MAOB: variants seen among roughly 807,000 people sequenced by gnomAD.
The protein encoded by MAOB is monoamine oxidase B, also known as amine oxidase [flavin-containing] B.
MAOB carries 15 observed loss-of-function variants against 41.9 expected under a neutral mutation model. That is an observed-to-expected ratio of 0.36 (90% CI 0.24 to 0.55). The LOEUF (loss-of-function observed/expected upper bound fraction) is 0.55, where lower values mean the gene tolerates loss of function less well. Ranked by LOEUF, MAOB falls within the 20% of genes least tolerant of loss-of-function variation. The probability of loss-of-function intolerance (pLI) is 0.86; values close to 1 mark genes in which losing one functional copy is unlikely to be tolerated. For missense variants in MAOB, 345 were observed against 398.7 expected, an observed-to-expected ratio of 0.87 and a Z score of 1.15; for synonymous variants, 167 against 144.2, an observed-to-expected ratio of 1.16 and a Z score of -1.13.
At chrX:43,843,554 T>A (rs1479789907) in intron 2 of MAOB, 116 bp downstream of exon 2, 1 of 596,628 alleles carries the variant, frequency 1.7e-6, no homozygotes, top group Non-Finnish European at 2.5e-6. Flanking sequence ...GTTTCAGAGT[T>A]ATTTTCACCC....
chrX:43,801,402 G>A (rs1045483058), intron 5 of MAOB, among the ~76,000 whole-genome samples: 5 of 110,849 alleles, frequency 4.5e-5, no homozygotes, highest in Non-Finnish European at 7.6e-5. Flanking sequence ...ATTAACCCCC[G>A]AGCCAAACAT....
chrX:43,878,792 T>C (rs1309476095), intron 1 of MAOB, among the ~76,000 whole-genome samples: 2 of 110,300 alleles, frequency 1.8e-5, no homozygotes, highest in Non-Finnish European at 3.8e-5. Context: ...CCAAAGCCAG[T>C]ACCACTAGCC....
intron 3 of MAOB, among the ~76,000 whole-genome samples, chrX:43,830,308 A>G (rs942963325): frequency 1.8e-5 from 2 of 111,218 alleles, no homozygotes; most frequent in African/African-American, 3.3e-5. Flanking sequence ...TGACAGGAGG[A>G]GACATTCCTG....
intron 8 of MAOB, among the ~76,000 whole-genome samples, chrX:43,785,203 T>A (rs903965939): frequency 2.7e-5 from 3 of 113,176 alleles, no homozygotes; most frequent in African/African-American, 9.6e-5. Context: ...TTGTCAATGT[T>A]CTTACGTAGA....
chrX:43,790,091 G>T (rs968949282), intron 8 of MAOB, among the ~76,000 whole-genome samples: 6 of 111,765 alleles, frequency 5.4e-5, no homozygotes, highest in African/African-American at 2.0e-4. Context: ...CTGACTGTGT[G>T]CCTGATATGT....
intron 11 of MAOB, among the ~76,000 whole-genome samples, chrX:43,775,571 T>C (rs1464821789): frequency 8.9e-6 from 1 of 111,866 alleles, no homozygotes; most frequent in Non-Finnish European, 1.9e-5. Context: ...TATTAAAAAG[T>C]TTTAGTGCCT....
intron 3 of MAOB, among the ~76,000 whole-genome samples, chrX:43,809,556 T>C (rs1334639286): frequency 8.9e-6 from 1 of 112,338 alleles, no homozygotes; most frequent in Non-Finnish European, 1.9e-5. Context: ...AGAGCTATTG[T>C]TAGACTCATA....
At chrX:43,788,650 A>T (rs1162629408) in intron 8 of MAOB, among the ~76,000 whole-genome samples, 3 of 111,494 alleles carry the variant, frequency 2.7e-5, no homozygotes, top group African/African-American at 6.5e-5. Context: ...CTGTTTATTC[A>T]GTTGTCGAAA....
intron 1 of MAOB, among the ~76,000 whole-genome samples, chrX:43,844,823 G>C (rs766683873): frequency 2.9e-4 from 33 of 111,926 alleles, no homozygotes; most frequent in Non-Finnish European, 5.1e-4. Flanking sequence ...CTCGGACTGG[G>C]AGCTGCACCA....
Position 43,807,122 on chromosome X carries a change from T to C in MAOB, c.280-3718A>G, listed in dbSNP as rs2034674270. Among the ~76,000 whole-genome samples the C allele has an allele frequency of 2.7e-5, 3 of 112,017 alleles. No individual in the cohort carries two copies. The Admixed American group carries it at 2.8e-4, about 11-fold the overall frequency. ...AGCTTTATTGAGAAATAATTCATGT[T>C]CCATACAACTTGCATGCTGACCTGA... On this transcript the variant is annotated intron_variant, in intron 3 of 14. Coordinates refer to ENST00000378069, the MANE Select transcript of MAOB (RefSeq NM_000898.5).
intron 3 of MAOB, among the ~76,000 whole-genome samples, chrX:43,809,187 C>T (rs1054112442): frequency 4.5e-5 from 5 of 111,812 alleles, no homozygotes; most frequent in Admixed American, 2.8e-4. Flanking sequence ...AATGTCACCT[C>T]AGCTGAATTA....
intron 14 of MAOB, among the ~76,000 whole-genome samples, chrX:43,768,322 A>G (rs1164319347): frequency 9.0e-6 from 1 of 111,520 alleles, no homozygotes; most frequent in African/African-American, 3.3e-5. Context: ...TTCTTTTCCT[A>G]CCTCATGTGG....
intron 8 of MAOB, 99 bp downstream of exon 8, chrX:43,793,320 G>T (rs1012796119): frequency 6.4e-6 from 4 of 629,193 alleles, no homozygotes; most frequent in African/African-American, 2.3e-5. Flanking sequence ...ATGTACCCCT[G>T]AATCTAAAAT....
intron 2 of MAOB, among the ~76,000 whole-genome samples, chrX:43,839,372 G>T (rs1228920938): frequency 8.9e-6 from 1 of 112,063 alleles, no homozygotes; most frequent in African/African-American, 3.2e-5. Context: ...GAAAAAGCAA[G>T]AAAGAAAACG....
intron 1 of MAOB, among the ~76,000 whole-genome samples, chrX:43,873,722 G>A (rs759972132): frequency 9.0e-5 from 10 of 111,494 alleles, no homozygotes; most frequent in African/African-American, 3.3e-4. Flanking sequence ...CTGTCGCCAG[G>A]CTGGAGTGCA....
chrX:43,881,046 T>C (rs2035469591), intron 1 of MAOB, among the ~76,000 whole-genome samples: 1 of 113,300 alleles, frequency 8.8e-6, no homozygotes, highest in Non-Finnish European at 1.9e-5. Flanking sequence ...ATTACGCATC[T>C]ATGTACCTGC....
At chrX:43,844,790 C>T (rs1427869078) in intron 1 of MAOB, 2 of 111,978 alleles carry the variant, frequency 1.8e-5, no homozygotes, top group Non-Finnish European at 3.8e-5. Context: ...CAGTGACCTC[C>T]GGTGGGCTCT....
chrX:43,825,895 G>A (rs1388976066), intron 3 of MAOB, among the ~76,000 whole-genome samples: 4 of 111,513 alleles, frequency 3.6e-5, no homozygotes, highest in East Asian at 2.8e-4. Context: ...TTTTTGTTAC[G>A]TCTGAATTAA....
At chrX:43,839,085 A>C in intron 2 of MAOB, 80 bp from the exon 3 acceptor site, 1 of 762,181 alleles carries the variant, frequency 1.3e-6, no homozygotes, top group Non-Finnish European at 1.8e-6. Context: ...AAATAAGCAA[A>C]TCGACATTTC....
Sources: gnomAD v4.1 joint callset for allele counts (sites outside exome capture counted in the v4.1 genomes callset) on GRCh38, gnomAD v4.1.1 for gene constraint, MANE v1.5 for transcripts, NCBI Gene and HGNC (gene_info 2026-07-23, HGNC 2026-07-21) for gene names.